NRXN1: variants seen among roughly 807,000 people sequenced by gnomAD.
The protein encoded by NRXN1 is neurexin-1.
NRXN1 carries 39 observed loss-of-function variants against 150.9 expected under a neutral mutation model. The observed-to-expected ratio is 0.26, with a 90% CI of 0.20 to 0.34. The LOEUF is 0.34. Among genes scored for constraint, NRXN1 ranks in the 10% least tolerant of loss-of-function variants. The pLI, the probability that NRXN1 is intolerant of heterozygous loss-of-function variation, is 1.00. For missense variants in NRXN1, 1,815 were observed against 1,949.9 expected, an observed-to-expected ratio of 0.93 and a Z score of 1.30; for synonymous variants, 924 against 757.0, an observed-to-expected ratio of 1.22 and a Z score of -3.62.
At chr2:50,896,782 G>A (rs1057294149) in intron 5 of NRXN1, among the ~76,000 whole-genome samples, 3 of 152,110 alleles carry the variant, frequency 2.0e-5, no homozygotes, top group East Asian at 1.9e-4. Flanking sequence ...GGGAGGTGGA[G>A]GTTGCAGTGA....
intron 8 of NRXN1, among the ~76,000 whole-genome samples, chr2:50,605,093 G>C (rs1295610264): frequency 6.6e-6 from 1 of 152,162 alleles, no homozygotes; most frequent in Non-Finnish European, 1.5e-5. Flanking sequence ...TGCTATGATA[G>C]AGATAATTCA....
intron 21 of NRXN1, among the ~76,000 whole-genome samples, chr2:50,021,717 T>G (rs1020414887): frequency 2.0e-5 from 3 of 152,178 alleles, no homozygotes; most frequent in African/African-American, 7.2e-5. Context: ...TTTGAAAAAT[T>G]TTTAAAAATG....
chr2:50,171,253 GTT>G (rs1491096029), intron 18 of NRXN1, among the ~76,000 whole-genome samples: 2 of 151,518 alleles, frequency 1.3e-5, no homozygotes, highest in Admixed American at 1.3e-4. Flanking sequence ...GTGTGTGTGT[GTT>G]TGTGTGTGTA....
At chr2:50,181,361 C>G (rs1385323528) in intron 18 of NRXN1, among the ~76,000 whole-genome samples, 1 of 151,958 alleles carries the variant, frequency 6.6e-6, no homozygotes, top group Admixed American at 6.6e-5. Context: ...CTTCTCCTTG[C>G]TGTTGTAGAA....
chr2:50,917,390 G>C (rs1348789361), intron 5 of NRXN1: 1 of 151,650 alleles, frequency 6.6e-6, no homozygotes, highest in African/African-American at 2.4e-5. Flanking sequence ...ATATGCATTA[G>C]GATTTTAGTA....
In NRXN1 at chr2:50,344,220, C is replaced by T. The variant is rs530578330; in HGVS notation, c.3365-107250G>A. ...TGCACTCACACCTCACCCCATTTCT[C>T]CATCCCCCACCCTGAGAGGCTTATT... On this transcript the variant is annotated intron_variant, in intron 17 of 22. Transcript: ENST00000401669. Among the ~76,000 whole-genome samples the T allele has an allele frequency of 1.8e-4, 28 of 152,274 alleles. No homozygotes were observed. In the South Asian group the frequency reaches 5.8e-3, roughly 32 times the overall value.
intron 5 of NRXN1, among the ~76,000 whole-genome samples, chr2:50,882,578 A>G (rs1019441863): frequency 6.6e-6 from 1 of 151,848 alleles, no homozygotes; most frequent in Admixed American, 6.6e-5. Flanking sequence ...AAAAAGTTTT[A>G]TAAGCACCTG....
At chr2:50,520,512 T>C (rs1200025096) in intron 12 of NRXN1, among the ~76,000 whole-genome samples, 1 of 151,922 alleles carries the variant, frequency 6.6e-6, no homozygotes, top group Non-Finnish European at 1.5e-5. Flanking sequence ...TATAAACATT[T>C]AGAGGGATAT....
chr2:50,148,615 G>A (rs563464307), intron 18 of NRXN1, among the ~76,000 whole-genome samples: 123 of 151,764 alleles, frequency 8.1e-4, no homozygotes, highest in African/African-American at 2.9e-3. Flanking sequence ...TTCTGAAAAA[G>A]TTCCAAGTTT....
At chr2:50,326,547 G>A (rs1484091788) in intron 17 of NRXN1, among the ~76,000 whole-genome samples, 1 of 152,200 alleles carries the variant, frequency 6.6e-6, no homozygotes, top group Admixed American at 6.5e-5. Flanking sequence ...GGGGCAGGTA[G>A]TCATGAGCAA....
At chr2:50,851,040 T>TATAAAGGAAAGA (rs1411188008) in intron 5 of NRXN1, among the ~76,000 whole-genome samples, 15 of 152,012 alleles carry the variant, frequency 9.9e-5, no homozygotes, top group Non-Finnish European at 8.8e-5. Flanking sequence ...GGGTTCAAAA[T>TATAAAGGAAAGA]ATAAAGGAAA....
At chr2:51,020,061 T>A (rs1669346618) in intron 2 of NRXN1, among the ~76,000 whole-genome samples, 1 of 151,822 alleles carries the variant, frequency 6.6e-6, no homozygotes. Context: ...TTGAAAGGTT[T>A]TTTTTTTTAA....
At chr2:51,030,407 G>A (rs112676961) in intron 1 of NRXN1, among the ~76,000 whole-genome samples, 5 of 151,920 alleles carry the variant, frequency 3.3e-5, no homozygotes, top group African/African-American at 1.2e-4. Flanking sequence ...CTTCTCCATG[G>A]GGGGAGCTGA....
intron 13 of NRXN1, among the ~76,000 whole-genome samples, chr2:50,505,169 T>G (rs1305233459): frequency 1.3e-5 from 2 of 152,114 alleles, no homozygotes; most frequent in Non-Finnish European, 2.9e-5. Flanking sequence ...ATACACTTAC[T>G]AGATATTGAC....
intron 8 of NRXN1, among the ~76,000 whole-genome samples, chr2:50,566,386 G>C (rs1215495708): frequency 6.6e-6 from 1 of 151,278 alleles, no homozygotes; most frequent in Non-Finnish European, 1.5e-5. Context: ...TGCAACTACA[G>C]GCACGTGCCA....
At chr2:50,994,518 CAAGGATCTA>C (rs1698995477) in intron 2 of NRXN1, among the ~76,000 whole-genome samples, 1 of 151,866 alleles carries the variant, frequency 6.6e-6, no homozygotes, top group East Asian at 1.9e-4. Context: ...ATGTACATGC[CAAGGATCTA>C]GGTTTATATC....
At chr2:50,493,512 C>T (rs2091383113) in intron 15 of NRXN1, among the ~76,000 whole-genome samples, 1 of 152,140 alleles carries the variant, frequency 6.6e-6, no homozygotes, top group Non-Finnish European at 1.5e-5. Context: ...TGCAGAAACC[C>T]TGTTGTCCTC....
Position 50,195,134 on chromosome 2 carries a change from C to T in NRXN1, c.3546+41655G>A, listed in dbSNP as rs532690888. On this transcript the variant is annotated intron_variant, in intron 18 of 22. Coordinates refer to ENST00000401669, the MANE Select transcript of NRXN1 (RefSeq NM_001330078.2). ...ATATCCTGGACTGAAGATTGGTCAG[C>T]AGTTCTTTTCTGGTCCATGAATAAT... Among the ~76,000 whole-genome samples, 33 of 152,266 alleles carry T rather than the reference C, an allele frequency of 2.2e-4. No homozygotes were observed. In the South Asian group the frequency reaches 6.2e-3, roughly 29 times the overall value.
At chr2:50,492,165 A>G (rs972639625) in intron 15 of NRXN1, among the ~76,000 whole-genome samples, 50 of 152,344 alleles carry the variant, frequency 3.3e-4, no homozygotes, top group African/African-American at 1.2e-3. Context: ...ATACAAAGCT[A>G]GGCTAGGAAA....
Sources: allele counts gnomAD v4.1 joint callset (sites outside exome capture counted in the v4.1 genomes callset), GRCh38; gene constraint gnomAD v4.1.1; transcripts MANE v1.5; gene names NCBI Gene and HGNC (gene_info 2026-07-23, HGNC 2026-07-21).